The following GALNT3 variants were observed in gnomAD, a reference collection of about 807,000 sequenced individuals.
GALNT3 encodes the protein polypeptide N-acetylgalactosaminyltransferase 3, also known as GalNAc transferase 3.
In GALNT3, 51 loss-of-function variants were observed where a neutral mutation model predicts 69.8. That is an observed-to-expected ratio of 0.73 (90% confidence interval 0.58 to 0.92). GALNT3 has a LOEUF of 0.92. Among genes scored for constraint, GALNT3 ranks in the 40% least tolerant of loss-of-function variants. GALNT3 has a pLI of 0.00. For missense variants in GALNT3, 711 were observed against 760.0 expected (o/e 0.94, Z 0.76); for synonymous variants, 265 against 248.5 (o/e 1.07, Z -0.63).
intron 1 of GALNT3, among the ~76,000 whole-genome samples, chr2:165,790,124 T>C (rs1245921471): frequency 1.3e-5 from 2 of 152,156 alleles, no homozygotes; most frequent in African/African-American, 2.4e-5. Flanking sequence ...AGATGTCCAA[T>C]AGGCAATCAT....
Position 165,787,867 on chromosome 2 carries a change from C to T in GALNT3, c.-109+6148G>A, listed in dbSNP as rs138745153. 5.4e-3 allele frequency among the ~76,000 whole-genome samples: 817 copies of T among 152,210 alleles called. 7 individuals are homozygous for T. The highest frequency in any genetic ancestry group is 0.019 in the African/African-American group (797 of 41,514). On this transcript the variant is annotated intron_variant, in intron 1 of 10. Coordinates refer to ENST00000392701, the MANE Select transcript of GALNT3 (RefSeq NM_004482.4). The stretch of plus-strand genomic sequence containing the variant: ...TTTCAATTACAAAGTTAACTTTTCA[C>T]TTTTAAATGATAAAACCCCAAGATC...
upstream of GALNT3, chr2:165,794,368 G>A (rs763725845): frequency 6.6e-6 from 1 of 152,350 alleles, no homozygotes; most frequent in Non-Finnish European, 1.5e-5. Flanking sequence ...GCGCAGGGTG[G>A]GGGCGCCGTC....
intron 1 of GALNT3, among the ~76,000 whole-genome samples, chr2:165,786,206 G>A (rs369303120): frequency 6.6e-6 from 1 of 152,164 alleles, no homozygotes; most frequent in Non-Finnish European, 1.5e-5. Context: ...AGAAACAGCA[G>A]TATAAGCATA....
chr2:165,755,632 T>A (rs1688431577), intron 7 of GALNT3, among the ~76,000 whole-genome samples: 2 of 152,198 alleles, frequency 1.3e-5, no homozygotes. Flanking sequence ...TCAAGTTAAA[T>A]GAATTTTGCT....
intron 1 of GALNT3, among the ~76,000 whole-genome samples, chr2:165,785,487 G>T (rs967749585): frequency 6.6e-6 from 1 of 152,096 alleles, no homozygotes; most frequent in African/African-American, 2.4e-5. Context: ...TGAAAATTGT[G>T]AACTTCAAAC....
intron 1 of GALNT3, among the ~76,000 whole-genome samples, chr2:165,786,553 C>T (rs1394837476): frequency 1.3e-5 from 2 of 152,106 alleles, no homozygotes; most frequent in African/African-American, 4.8e-5. Flanking sequence ...ACTTTTAATG[C>T]CTAATTCAAT....
At chr2:165,763,195 T>C (rs1688582761) in intron 3 of GALNT3, among the ~76,000 whole-genome samples, 1 of 152,148 alleles carries the variant, frequency 6.6e-6, no homozygotes, top group Non-Finnish European at 1.5e-5. Context: ...GCAGCCTTCT[T>C]GGGCCCAAAA....
chr2:165,757,156 C>T lies in GALNT3; in HGVS notation c.1283G>A (p.Gly428Asp). 6.2e-7 allele frequency: 1 copy of T among 1,614,068 alleles called. No homozygotes were observed. The highest frequency in any genetic ancestry group is 8.5e-7 in the Non-Finnish European group (1 of 1,179,962). ...TTGGTTTCTAGCAATCACCTGAGTGCCTTTTGGAAAGCTATGAGGGCTTTT... is the reference window on the plus strand; with the variant it reads ...TTGGTTTCTAGCAATCACCTGAGTGTCTTTTGGAAAGCTATGAGGGCTTTT... ...RSKSPHSFPK[G>D]TQVIARNQVR... Residue 428 changes from glycine (G) to aspartate (D), a missense_variant, in exon 7 of 11, where the codon GGC becomes GAC. By Grantham distance (94) the Gly-to-Asp change is moderately conservative. Transcript: ENST00000392701.
At position 165,788,145 on chromosome 2, in the gene GALNT3, G is replaced by A. The variant is rs187193714; in HGVS notation, c.-109+5870C>T. ...AGATCAAGACCAACCTGGCTAACAC[G>A]GTGAAACCCCGTCTCTATTAAAAAT... On this transcript the variant is annotated intron_variant, in intron 1 of 10. Transcript: ENST00000392701. Among the ~76,000 whole-genome samples, 484 of 151,866 alleles carry A rather than the reference G, an allele frequency of 3.2e-3. 3 individuals are homozygous for A. Among genetic ancestry groups the A allele is most frequent in the African/African-American group, 0.011 (467 of 41,414 alleles).
At chr2:165,753,916 T>C (rs1171568015) in intron 9 of GALNT3, among the ~76,000 whole-genome samples, 1 of 152,226 alleles carries the variant, frequency 6.6e-6, no homozygotes, top group East Asian at 1.9e-4. Context: ...ACACTTGATG[T>C]AATTTGTGAT....
chr2:165,786,037 A>G (rs950482080), intron 1 of GALNT3, among the ~76,000 whole-genome samples: 1 of 151,356 alleles, frequency 6.6e-6, no homozygotes, highest in Non-Finnish European at 1.5e-5. Flanking sequence ...AACAATATCT[A>G]TGTAATCACA....
intron 1 of GALNT3, among the ~76,000 whole-genome samples, chr2:165,773,266 G>A (rs183944910): frequency 1.3e-5 from 2 of 152,264 alleles, no homozygotes; most frequent in African/African-American, 4.8e-5. Context: ...TAAGTCTCAC[G>A]AGACCTGATG....
At chr2:165,752,098 A>G (rs1688365907) in intron 9 of GALNT3, among the ~76,000 whole-genome samples, 1 of 152,136 alleles carries the variant, frequency 6.6e-6, no homozygotes, top group South Asian at 2.1e-4. Context: ...GCCCTACATG[A>G]TCAGGTCCCT....
Position 165,790,542 on chromosome 2 carries a change from T to C in GALNT3, c.-109+3473A>G, listed in dbSNP as rs114908636. ...AAGTATCTATCATTCCAAATGTATT[T>C]TTGCACTTGATGGACTAAAGAACTG... On this transcript the variant is annotated intron_variant, in intron 1 of 10. Transcript: ENST00000392701. Among the ~76,000 whole-genome samples the C allele has an allele frequency of 6.3e-3, 954 of 152,280 alleles. 9 individuals carry two copies. The highest frequency in any genetic ancestry group is 0.022 in the African/African-American group (897 of 41,556).
chr2:165,788,859 C>G (rs1683285739), intron 1 of GALNT3, among the ~76,000 whole-genome samples: 1 of 152,120 alleles, frequency 6.6e-6, no homozygotes, highest in South Asian at 2.1e-4. Context: ...GCTGTGGGTT[C>G]TATCCGGTAA....
chr2:165,774,909 C>CTCTTTTTT (rs1688817828), intron 1 of GALNT3, among the ~76,000 whole-genome samples: 1 of 104,328 alleles, frequency 9.6e-6, no homozygotes, highest in African/African-American at 3.8e-5. Flanking sequence ...CTTCTTCTCT[C>CTCTTTTTT]TTTTTTTTTT....
chr2:165,765,340 A>G (rs1412384444), intron 2 of GALNT3, among the ~76,000 whole-genome samples: 2 of 152,200 alleles, frequency 1.3e-5, no homozygotes, highest in Non-Finnish European at 2.9e-5. Flanking sequence ...TTTAAATGCA[A>G]ATAACATTTT....
At chr2:165,763,998 A>G (rs1157458957) in intron 3 of GALNT3, among the ~76,000 whole-genome samples, 1 of 152,214 alleles carries the variant, frequency 6.6e-6, no homozygotes, top group Non-Finnish European at 1.5e-5. Context: ...TCAGGAATCT[A>G]ACTCCAAACT....
chr2:165,771,799 C>A (rs1171741645), intron 1 of GALNT3: 1 of 152,102 alleles, frequency 6.6e-6, no homozygotes, highest in African/African-American at 2.4e-5. Flanking sequence ...ACTTTTGACA[C>A]CTTCTTTAAC....
Sources: allele counts gnomAD v4.1 joint callset (sites outside exome capture counted in the v4.1 genomes callset), GRCh38; gene constraint gnomAD v4.1.1; transcripts MANE v1.5; gene names NCBI Gene and HGNC (gene_info 2026-07-23, HGNC 2026-07-21).